Variants in NRK observed in about 807,000 individuals in gnomAD.
NRK encodes the protein nik-related protein kinase.
In NRK, 67 loss-of-function variants were observed where a neutral mutation model predicts 125.2. That is an observed-to-expected ratio of 0.54 (90% CI 0.44 to 0.66). The LOEUF (loss-of-function observed/expected upper bound fraction) is 0.66, where lower values mean the gene tolerates loss of function less well. Among genes scored for constraint, NRK ranks in the 30% least tolerant of loss-of-function variants. The probability of loss-of-function intolerance (pLI) is 0.00; values close to 1 mark genes in which losing one functional copy is unlikely to be tolerated. For synonymous variants in NRK, 458 were observed against 429.0 expected (o/e 1.07, Z -0.84); for missense variants, 1,224 against 1,192.9 (o/e 1.03, Z -0.38).
intron 2 of NRK, among the ~76,000 whole-genome samples, chrX:105,842,386 T>A (rs964016555): frequency 1.5e-4 from 17 of 111,485 alleles, no homozygotes; most frequent in Middle Eastern, 4.6e-3. Context: ...ACTGTCAACC[T>A]CTTCACTCTC....
chrX:105,921,687 A>G (rs1476742590), intron 16 of NRK, among the ~76,000 whole-genome samples: 1 of 108,765 alleles, frequency 9.2e-6, no homozygotes, highest in Non-Finnish European at 1.9e-5. Flanking sequence ...TTACATAGAT[A>G]GAGATATTTG....
rs776176472 is a variant in NRK at position 105,874,962 on chromosome X, G to T, written c.124-5237G>T. 1.4e-4 allele frequency among the ~76,000 whole-genome samples: 16 copies of T among 111,457 alleles called. 1 individual carries two copies. The highest frequency in any genetic ancestry group is 2.6e-4 in the Non-Finnish European group (14 of 52,920). On this transcript the variant is annotated intron_variant, in intron 2 of 28. Transcript: ENST00000243300. ...CGTTCATCTTAATTACTATATTTTG[G>T]AATGCAACCCCAGAAAACAGATTTA...
chrX:105,862,082 T>C (rs1368406204), intron 2 of NRK, among the ~76,000 whole-genome samples: 1 of 111,055 alleles, frequency 9.0e-6, no homozygotes, highest in Admixed American at 9.6e-5. Flanking sequence ...TTGATCTATC[T>C]ATCTATCTAT....
chrX:105,850,430 A>G (rs1026212239), intron 2 of NRK, among the ~76,000 whole-genome samples: 1 of 112,283 alleles, frequency 8.9e-6, no homozygotes, highest in Non-Finnish European at 1.9e-5. Context: ...CTTGGTGATT[A>G]GCATTTGGCT....
At chrX:105,825,326 T>C (rs2039078582) in intron 1 of NRK, among the ~76,000 whole-genome samples, 1 of 112,093 alleles carries the variant, frequency 8.9e-6, no homozygotes, top group African/African-American at 3.2e-5. Context: ...CAATAGGACA[T>C]ATGTGGAGGT....
intron 2 of NRK, among the ~76,000 whole-genome samples, chrX:105,858,504 T>C (rs2039561684): frequency 9.1e-6 from 1 of 110,140 alleles, no homozygotes; most frequent in South Asian, 3.9e-4. Context: ...AGAAAAGCAC[T>C]GAGACTTAGA....
intron 7 of NRK, among the ~76,000 whole-genome samples, chrX:105,897,284 G>A (rs1744433736): frequency 8.9e-6 from 1 of 112,351 alleles, no homozygotes; most frequent in Non-Finnish European, 1.9e-5. Context: ...TAAGATTATA[G>A]TTGTTTTTAA....
rs764502889 is a variant in NRK at position 105,906,552 on chromosome X, G to A, written c.984G>A (p.Arg328=). 3 of 1,116,639 alleles carry A rather than the reference G, an allele frequency of 2.7e-6. No individual in the cohort carries two copies. The highest frequency in any genetic ancestry group is 4.8e-5 in the South Asian group (2 of 41,340). The allele number at this position is 1,116,639 out of a possible 1,213,427, so 92.0% of individuals were successfully genotyped here. A position where few individuals can be genotyped will look rare whatever the true frequency, so the allele number is the denominator to read the frequency against. The change falls in exon 11 of 29, where the codon AGG becomes AGA. Residue 328 remains arginine (R), a synonymous_variant. Coordinates refer to ENST00000243300, the MANE Select transcript of NRK (RefSeq NM_198465.4). ...GACATGTTGTTGAGTCATTAACAAG[G>A]CATCTTACTGGAATCATTAAAAAAA... ...NERHVVESLT[R]HLTGIIKKRQ...
Position 105,945,886 on chromosome X carries a change from A to G in NRK, c.4074A>G (p.Gln1358=), listed in dbSNP as rs377153627. The change falls in exon 25 of 29, where the codon CAA becomes CAG. Residue 1358 remains glutamine (Q), a synonymous_variant. Transcript: ENST00000243300. ...ESTAIKVCID[Q]SADSEGDYMS... is the part of the protein sequence containing the mutation. Reference sequence around the variant, plus strand: ...TTCCCTACCAAGTATGCATTGATCAATCAGCAGACTCTGAAGGAGACTACA... The same window carrying G: ...TTCCCTACCAAGTATGCATTGATCAGTCAGCAGACTCTGAAGGAGACTACA... 38 of 1,208,748 alleles carry G rather than the reference A, an allele frequency of 3.1e-5. No homozygotes were observed. The highest frequency in any genetic ancestry group is 3.8e-5 in the Non-Finnish European group (34 of 893,110).
At chrX:105,849,371 A>G in intron 2 of NRK, among the ~76,000 whole-genome samples, 1 of 111,534 alleles carries the variant, frequency 9.0e-6, no homozygotes, top group South Asian at 3.8e-4. Flanking sequence ...ATTCAAGTTG[A>G]TATTTGGGTG....
At chrX:105,838,735 C>T (rs2039296023) in intron 2 of NRK, among the ~76,000 whole-genome samples, 1 of 109,827 alleles carries the variant, frequency 9.1e-6, no homozygotes, top group African/African-American at 3.3e-5. Flanking sequence ...CACCTAAAAA[C>T]AGACCATGGC....
At chrX:105,871,438 C>T (rs1319697267) in intron 2 of NRK, among the ~76,000 whole-genome samples, 1 of 110,863 alleles carries the variant, frequency 9.0e-6, no homozygotes, top group Non-Finnish European at 1.9e-5. Flanking sequence ...CCCTCTAACT[C>T]TTCTCCCATA....
intron 8 of NRK, 124 bp downstream of exon 8, chrX:105,898,838 TAGGAA>T: frequency 2.0e-6 from 1 of 497,326 alleles, no homozygotes; most frequent in Non-Finnish European, 3.1e-6. Flanking sequence ...TAAATGCTAG[TAGGAA>T]ATACAAGCCT....
At chrX:105,852,286 C>A (rs2039481997) in intron 2 of NRK, among the ~76,000 whole-genome samples, 1 of 111,468 alleles carries the variant, frequency 9.0e-6, no homozygotes, top group Admixed American at 9.6e-5. Context: ...GGAAAATAGT[C>A]ATGTAGATTT....
At chrX:105,875,276 GC>G (rs1460926353) in intron 2 of NRK, among the ~76,000 whole-genome samples, 1 of 110,896 alleles carries the variant, frequency 9.0e-6, no homozygotes, top group African/African-American at 3.3e-5. Flanking sequence ...GAAATTCCCT[GC>G]TCACTCATGG....
At chrX:105,921,269 G>C (rs2040441263) in intron 16 of NRK, among the ~76,000 whole-genome samples, 1 of 102,361 alleles carries the variant, frequency 9.8e-6, no homozygotes, top group African/African-American at 3.6e-5. Context: ...CTCATAGGTG[G>C]GAATTGAACA....
At chrX:105,949,338 A>G (rs1027613984) in intron 26 of NRK, among the ~76,000 whole-genome samples, 9 of 111,984 alleles carry the variant, frequency 8.0e-5, no homozygotes, top group African/African-American at 2.9e-4. Flanking sequence ...TGCTTTTTTA[A>G]AATAAGGCTT....
At chrX:105,929,766 CCT>C (rs1186311813) in intron 19 of NRK, among the ~76,000 whole-genome samples, 1 of 111,412 alleles carries the variant, frequency 9.0e-6, no homozygotes, top group African/African-American at 3.3e-5. Context: ...TCTTGTAAGA[CCT>C]CTCTAGTGGT....
At chrX:105,860,844 A>T (rs2039592716) in intron 2 of NRK, among the ~76,000 whole-genome samples, 1 of 111,221 alleles carries the variant, frequency 9.0e-6, no homozygotes, top group African/African-American at 3.3e-5. Flanking sequence ...TTATTGATAT[A>T]CCACATTTTG....
Sources: allele counts gnomAD v4.1 joint callset (sites outside exome capture counted in the v4.1 genomes callset), GRCh38; gene constraint gnomAD v4.1.1; transcripts MANE v1.5; gene names NCBI Gene and HGNC (gene_info 2026-07-23, HGNC 2026-07-21).